The following NFIB variants were observed in gnomAD, a reference collection of about 807,000 sequenced individuals.
NFIB encodes the protein nuclear factor 1 B-type.
A neutral mutation model predicts 61.5 loss-of-function variants in NFIB; 11 were observed. The ratio of observed to expected loss-of-function variants is 0.18; its 90% CI spans 0.11 to 0.30. The LOEUF is 0.30. NFIB is among the 10% of genes least tolerant of loss of function. NFIB has a pLI of 1.00. For synonymous variants in NFIB, 260 were observed against 216.5 expected, an observed-to-expected ratio of 1.20 and a Z score of -1.76; for missense variants, 471 against 608.9, an observed-to-expected ratio of 0.77 and a Z score of 2.38.
At chr9:14,153,198 T>A (rs902869672) in intron 4 of NFIB, among the ~76,000 whole-genome samples, 1 of 152,134 alleles carries the variant, frequency 6.6e-6, no homozygotes, top group Admixed American at 6.6e-5. Flanking sequence ...AAATAATTTG[T>A]CTACGGATTT....
At chr9:14,483,205 G>C in the NFIB span, among the ~76,000 whole-genome samples, 2 of 152,150 alleles carry the variant, frequency 1.3e-5, no homozygotes, top group African/African-American at 2.4e-5. Flanking sequence ...ATTTCTTTTA[G>C]TTTGTGACTA....
chr9:14,278,432 T>C (rs1259373659), intron 2 of NFIB, among the ~76,000 whole-genome samples: 1 of 152,178 alleles, frequency 6.6e-6, no homozygotes, highest in Non-Finnish European at 1.5e-5. Flanking sequence ...TCAGTCTTAT[T>C]TTGCACCTCC....
chr9:14,441,727 G>A, the NFIB span, among the ~76,000 whole-genome samples: 13 of 152,210 alleles, frequency 8.5e-5, no homozygotes, highest in South Asian at 2.3e-3. Flanking sequence ...TGAATGGGCC[G>A]TGGAAGAGAA....
intron 2 of NFIB, among the ~76,000 whole-genome samples, chr9:14,297,862 T>A (rs2059533920): frequency 6.6e-6 from 1 of 152,230 alleles, no homozygotes; most frequent in African/African-American, 2.4e-5. Flanking sequence ...TATCTGTGTT[T>A]TAACATTTTA....
At chr9:14,518,394 T>C in the NFIB span, among the ~76,000 whole-genome samples, 1 of 152,026 alleles carries the variant, frequency 6.6e-6, no homozygotes, top group African/African-American at 2.4e-5. Flanking sequence ...TCACAATTCC[T>C]CACAAACTTA....
the NFIB span, among the ~76,000 whole-genome samples, chr9:14,513,409 C>T: frequency 1.3e-5 from 2 of 151,860 alleles, no homozygotes; most frequent in African/African-American, 4.8e-5. Context: ...GCGGGCAGAT[C>T]ACTAGGTCAG....
intron 2 of NFIB, among the ~76,000 whole-genome samples, chr9:14,281,255 G>A (rs762014974): frequency 5.9e-5 from 9 of 152,154 alleles, no homozygotes; most frequent in Non-Finnish European, 1.3e-4. Context: ...GGGTTCCATA[G>A]AGCATGAATA....
At chr9:14,175,349 T>G (rs543270584) in intron 3 of NFIB, among the ~76,000 whole-genome samples, 1 of 151,790 alleles carries the variant, frequency 6.6e-6, no homozygotes, top group African/African-American at 2.4e-5. Context: ...AATTTTTTTG[T>G]ATTTTTAGTA....
chr9:14,115,159 T>G (rs914028517), intron 9 of NFIB, among the ~76,000 whole-genome samples: 10 of 151,964 alleles, frequency 6.6e-5, no homozygotes, highest in Non-Finnish European at 1.5e-5. Flanking sequence ...GGTTCCTTCC[T>G]AGTCTTTCAG....
chr9:14,236,073 T>G (rs567398339), intron 2 of NFIB, among the ~76,000 whole-genome samples: 1 of 152,192 alleles, frequency 6.6e-6, no homozygotes, highest in Non-Finnish European at 1.5e-5. Context: ...GCATTGATCA[T>G]AACACAATAA....
intron 2 of NFIB, among the ~76,000 whole-genome samples, chr9:14,279,672 T>C (rs4741358): frequency 0.077 from 11,706 of 152,240 alleles, 660 homozygotes; most frequent in East Asian, 0.24. Flanking sequence ...CATGTACTGC[T>C]GCTAGTCTGT....
chr9:14,254,239 T>C (rs2132163391), intron 2 of NFIB, among the ~76,000 whole-genome samples: 1 of 152,082 alleles, frequency 6.6e-6, no homozygotes, highest in East Asian at 1.9e-4. Flanking sequence ...AGGTAGAGGT[T>C]GCAGCGAGCC....
the NFIB span, among the ~76,000 whole-genome samples, chr9:14,423,328 G>A: frequency 3.9e-5 from 6 of 152,182 alleles, no homozygotes; most frequent in Non-Finnish European, 8.8e-5. Flanking sequence ...CTGTTTTCCT[G>A]TGTGCTCAGA....
the NFIB span, among the ~76,000 whole-genome samples, chr9:14,526,742 T>C: frequency 6.6e-6 from 1 of 152,216 alleles, no homozygotes; most frequent in Admixed American, 6.5e-5. Flanking sequence ...AAATATGCTG[T>C]AGTTTCAATG....
At chr9:14,447,173 T>C in the NFIB span, among the ~76,000 whole-genome samples, 6 of 152,184 alleles carry the variant, frequency 3.9e-5, no homozygotes, top group Admixed American at 6.5e-5. Flanking sequence ...TATTTTCAAG[T>C]TTGCAATTTA....
chr9:14,306,353 TAACTC>T (rs1200103283), intron 2 of NFIB, among the ~76,000 whole-genome samples: 1 of 152,214 alleles, frequency 6.6e-6, no homozygotes, highest in African/African-American at 2.4e-5. Context: ...ATTTAAATAA[TAACTC>T]AATTCCATTT....
chr9:14,218,101 G>A (rs1032977852), intron 2 of NFIB, among the ~76,000 whole-genome samples: 3 of 152,102 alleles, frequency 2.0e-5, no homozygotes, highest in African/African-American at 7.2e-5. Flanking sequence ...TGGTTGCTTT[G>A]CCTAGCAAGG....
chr9:14,440,940 C>G, the NFIB span, among the ~76,000 whole-genome samples: 1 of 152,044 alleles, frequency 6.6e-6, no homozygotes, highest in Admixed American at 6.6e-5. Flanking sequence ...TTGTGTAGAA[C>G]ATACAACTGC....
At chr9:14,456,787 G>A in the NFIB span, among the ~76,000 whole-genome samples, 3 of 152,216 alleles carry the variant, frequency 2.0e-5, no homozygotes, top group South Asian at 4.1e-4. Flanking sequence ...GCCCATATCC[G>A]TCAAAAGCAC....
Sources: allele counts gnomAD v4.1 joint callset (sites outside exome capture counted in the v4.1 genomes callset), GRCh38; gene constraint gnomAD v4.1.1; transcripts MANE v1.5; gene names NCBI Gene and HGNC (gene_info 2026-07-23, HGNC 2026-07-21).